PDE8B: variants seen among roughly 807,000 people sequenced by gnomAD.
The protein encoded by PDE8B is phosphodiesterase 8B.
PDE8B carries 26 observed loss-of-function variants against 101.3 expected under a neutral mutation model. That is an observed-to-expected ratio of 0.26 (90% CI 0.19 to 0.36). The LOEUF (loss-of-function observed/expected upper bound fraction) is 0.36, where lower values mean the gene tolerates loss of function less well. Among genes scored for constraint, PDE8B ranks in the 10% least tolerant of loss-of-function variants. PDE8B has a pLI of 1.00. For synonymous variants in PDE8B, 424 were observed against 429.3 expected, an observed-to-expected ratio of 0.99 and a Z score of 0.15; for missense variants, 810 against 1,163.1, an observed-to-expected ratio of 0.70 and a Z score of 4.42.
intron 1 of PDE8B, among the ~76,000 whole-genome samples, chr5:77,271,470 T>C (rs1762792495): frequency 6.6e-6 from 1 of 152,212 alleles, no homozygotes; most frequent in Non-Finnish European, 1.5e-5. Flanking sequence ...CAGCCAAGGC[T>C]GATACCTTTC....
the PDE8B span, chr5:77,114,715 AAAAAT>A: frequency 1.3e-5 from 2 of 152,246 alleles, no homozygotes; most frequent in Non-Finnish European, 2.9e-5. Context: ...GGAAAGTTAA[AAAAAT>A]AAAATCCAAT....
chr5:77,305,713 T>A (rs986068696), intron 1 of PDE8B, among the ~76,000 whole-genome samples: 1 of 152,166 alleles, frequency 6.6e-6, no homozygotes, highest in Non-Finnish European at 1.5e-5. Context: ...AGAACTAAGT[T>A]TGGCCTGAGA....
chr5:77,396,192 C>T (rs1035536387), intron 10 of PDE8B, among the ~76,000 whole-genome samples: 1 of 152,260 alleles, frequency 6.6e-6, no homozygotes, highest in African/African-American at 2.4e-5. Flanking sequence ...ACACAGTACC[C>T]TCTGGTTTCA....
chr5:77,200,344 A>G, the PDE8B span, among the ~76,000 whole-genome samples: 1 of 152,124 alleles, frequency 6.6e-6, no homozygotes, highest in Non-Finnish European at 1.5e-5. Context: ...AAATTTGCAA[A>G]TAAAAATTTG....
At chr5:77,369,046 T>A (rs1784607699) in intron 10 of PDE8B, among the ~76,000 whole-genome samples, 1 of 151,598 alleles carries the variant, frequency 6.6e-6, no homozygotes. Flanking sequence ...CTACTAAAAA[T>A]ACAAAAATTA....
intron 1 of PDE8B, among the ~76,000 whole-genome samples, chr5:77,250,803 G>A (rs1326001727): frequency 3.9e-5 from 6 of 152,140 alleles, no homozygotes; most frequent in South Asian, 4.1e-4. Flanking sequence ...TTCCTGGGCC[G>A]CCAAGGTCCC....
At chr5:77,322,324 G>C (rs191853799) in intron 2 of PDE8B, among the ~76,000 whole-genome samples, 4 of 152,228 alleles carry the variant, frequency 2.6e-5, no homozygotes, top group East Asian at 1.9e-4. Flanking sequence ...TCCTTCCAGG[G>C]TCAGCAAAGC....
the PDE8B span, among the ~76,000 whole-genome samples, chr5:77,186,754 G>A: frequency 6.6e-6 from 1 of 152,172 alleles, no homozygotes; most frequent in Non-Finnish European, 1.5e-5. Context: ...TTTCTCCTGG[G>A]TAGGGTGAAC....
chr5:77,249,901 C>T (rs1420260796), intron 1 of PDE8B, among the ~76,000 whole-genome samples: 1 of 152,138 alleles, frequency 6.6e-6, no homozygotes, highest in Non-Finnish European at 1.5e-5. Context: ...TTTGTGAAAA[C>T]AAAAACCATT....
At chr5:77,165,823 T>A in the PDE8B span, among the ~76,000 whole-genome samples, 785 of 151,984 alleles carry the variant, frequency 5.2e-3, 7 homozygotes, top group African/African-American at 0.018. Context: ...CTGGCCAACA[T>A]GGCAAAATCC....
At chr5:77,287,540 T>C (rs1766292702) in intron 1 of PDE8B, among the ~76,000 whole-genome samples, 1 of 149,348 alleles carries the variant, frequency 6.7e-6, no homozygotes, top group South Asian at 2.1e-4. Context: ...TCTCTTCAAA[T>C]ATTGTTCCTG....
At chr5:77,100,436 G>A in the PDE8B span, 1 of 152,230 alleles carries the variant, frequency 6.6e-6, no homozygotes, top group East Asian at 1.9e-4. Context: ...GGGAAGGTGG[G>A]GAGGAAATAA....
intron 2 of PDE8B, among the ~76,000 whole-genome samples, chr5:77,319,313 T>A (rs1410921954): frequency 6.6e-6 from 1 of 152,256 alleles, no homozygotes; most frequent in Non-Finnish European, 1.5e-5. Context: ...GCATCATCAG[T>A]AACTTATCGC....
chr5:77,373,549 ATAATTTCCATTT>A (rs1262348807), intron 10 of PDE8B, among the ~76,000 whole-genome samples: 4 of 152,184 alleles, frequency 2.6e-5, no homozygotes, highest in African/African-American at 9.7e-5. Flanking sequence ...TTACTATAGA[ATAATTTCCATTT>A]TCTCGGGTTT....
chr5:77,210,442 G>T, upstream of PDE8B: 1 of 190,128 alleles, frequency 5.3e-6, no homozygotes, highest in South Asian at 1.6e-4. This position sits in a 1 kb window ranked among gnomAD's most constrained non-coding sequence, Gnocchi z 4.9. Context: ...GGAGGAAGGA[G>T]GGTGGGAGCG....
chr5:77,339,460 T>A (rs1275064957), intron 6 of PDE8B, among the ~76,000 whole-genome samples: 1 of 152,164 alleles, frequency 6.6e-6, no homozygotes, highest in African/African-American at 2.4e-5. Context: ...TGTGTGAACA[T>A]GTGCATGATT....
At chr5:77,408,150 GAA>G (rs1300726482) in intron 13 of PDE8B, among the ~76,000 whole-genome samples, 3 of 152,140 alleles carry the variant, frequency 2.0e-5, no homozygotes, top group African/African-American at 7.2e-5. Context: ...GAGGTGGAGA[GAA>G]ATGAATAGAT....
the PDE8B span, among the ~76,000 whole-genome samples, chr5:77,104,102 A>C: frequency 2.0e-5 from 3 of 152,204 alleles, no homozygotes; most frequent in Non-Finnish European, 2.9e-5. Flanking sequence ...CCTTCCCCAC[A>C]GAAAGCTAAG....
At chr5:77,088,710 T>G in the PDE8B span, 1 of 152,730 alleles carries the variant, frequency 6.5e-6, no homozygotes, top group Non-Finnish European at 1.5e-5. Flanking sequence ...GCTCTTCTGC[T>G]CTTCTGTTCA....
Sources: allele counts gnomAD v4.1 joint callset (sites outside exome capture counted in the v4.1 genomes callset), GRCh38; gene constraint gnomAD v4.1.1; non-coding constraint Gnocchi (gnomAD v3.1); transcripts MANE v1.5; gene names NCBI Gene and HGNC (gene_info 2026-07-23, HGNC 2026-07-21).